Variants in SHISAL1 observed in about 807,000 individuals in gnomAD.
SHISAL1 encodes the protein protein shisa-like-1.
Under a neutral mutation model 22.6 loss-of-function variants are expected in SHISAL1, and 9 were observed. The observed-to-expected ratio is 0.40, with a 90% confidence interval of 0.24 to 0.70. The LOEUF (loss-of-function observed/expected upper bound fraction) is 0.70. SHISAL1 is among the 30% of genes least tolerant of loss of function. The pLI is 0.39. For synonymous variants in SHISAL1, 119 were observed against 115.4 expected (o/e 1.03, Z -0.20); for missense variants, 246 against 270.6 (o/e 0.91, Z 0.64).
chr22:44,301,567 C>T (rs185214920), intron 1 of SHISAL1, among the ~76,000 whole-genome samples: 94 of 152,276 alleles, frequency 6.2e-4, no homozygotes, highest in African/African-American at 2.1e-3. Context: ...TATCCCAAGG[C>T]GCAGAAAACA....
chr22:44,304,837 A>G (rs2055459080), intron 1 of SHISAL1, among the ~76,000 whole-genome samples: 1 of 152,132 alleles, frequency 6.6e-6, no homozygotes. Flanking sequence ...ACAGGTCCCC[A>G]GACTCCAGCT....
chr22:44,281,090 T>A (rs2147287262), intron 4 of SHISAL1, among the ~76,000 whole-genome samples: 1 of 152,200 alleles, frequency 6.6e-6, no homozygotes, highest in South Asian at 2.1e-4. Context: ...TCCTTTAGCC[T>A]GAGGTGGGCC....
intron 4 of SHISAL1, among the ~76,000 whole-genome samples, chr22:44,258,081 G>A (rs773615009): frequency 6.6e-5 from 10 of 152,024 alleles, no homozygotes; most frequent in East Asian, 1.9e-4. Context: ...CGGAGGTTGC[G>A]GTGAGCTGAG....
chr22:44,285,546 G>A lies in SHISAL1; in HGVS notation c.481C>T (p.Arg161Trp), dbSNP rs376878869. 3.9e-5 allele frequency: 60 copies of A among 1,538,250 alleles called. No homozygotes were observed. Among genetic ancestry groups the A allele is most frequent in the Admixed American group, 6.8e-5 (4 of 58,752 alleles). Residue 161 changes from arginine (R) to tryptophan (W), a missense_variant, in exon 4 of 5, where the codon CGG becomes TGG. Arg to Trp is a moderately radical substitution (Grantham distance 101, BLOSUM62 -3). This residue lies in a region of SHISAL1 where 136 missense variants were observed against 117.5 expected (regional missense o/e 1.16). Transcript: ENST00000381176. ...NPARAPRPGQ[R>W]APQPQPPPGP... The stretch of plus-strand genomic sequence containing the variant: ...GGGGGAGGCTGCGGCTGTGGGGCCC[G>A]CTGACCCGGCCGAGGGGCCCGAGCG...
rs112234531 is a variant in SHISAL1 at position 44,277,107 on chromosome 22, C to T, written c.599+8321G>A. On this transcript the variant is annotated intron_variant, in intron 4 of 4. Transcript: ENST00000381176. ...CCTTTCTTTGTGTTAGCTGCTCCTC[C>T]CCTGGCTGACCAGTGCTTAGTCTGG... Among the ~76,000 whole-genome samples, 22 of 152,322 alleles carry T rather than the reference C, an allele frequency of 1.4e-4. 1 individual carries two copies. Among genetic ancestry groups the T allele is most frequent in the African/African-American group, 4.3e-4 (18 of 41,574 alleles).
intron 4 of SHISAL1, among the ~76,000 whole-genome samples, chr22:44,282,721 AG>A (rs1426730272): frequency 6.6e-6 from 1 of 152,174 alleles, no homozygotes; most frequent in Non-Finnish European, 1.5e-5. Context: ...ACTCAGCAGG[AG>A]GCTCCTGAGA....
At chr22:44,277,100 G>C (rs1391208007) in intron 4 of SHISAL1, among the ~76,000 whole-genome samples, 2 of 152,192 alleles carry the variant, frequency 1.3e-5, no homozygotes. Flanking sequence ...TGTGTTAGCT[G>C]CTCCTCCCCT....
intron 3 of SHISAL1, among the ~76,000 whole-genome samples, chr22:44,288,038 G>A (rs2055328334): frequency 6.6e-6 from 1 of 152,096 alleles, no homozygotes; most frequent in African/African-American, 2.4e-5. Context: ...GCTGGGCCTC[G>A]AACCACTGGG....
intron 4 of SHISAL1, among the ~76,000 whole-genome samples, chr22:44,256,114 C>T (rs1191655930): frequency 2.0e-5 from 3 of 152,088 alleles, no homozygotes; most frequent in African/African-American, 7.3e-5. Flanking sequence ...GACGAATTCA[C>T]ACCATTGGCT....
intron 2 of SHISAL1, 26 bp from the exon 3 acceptor site, chr22:44,296,911 G>A (rs370684097): frequency 1.3e-5 from 20 of 1,589,624 alleles, no homozygotes; most frequent in Non-Finnish European, 1.7e-5. Context: ...ACCAGGCTCA[G>A]AGGGGTCCCT....
At chr22:44,261,583 C>G (rs2055124646) in intron 4 of SHISAL1, among the ~76,000 whole-genome samples, 1 of 152,252 alleles carries the variant, frequency 6.6e-6, no homozygotes, top group African/African-American at 2.4e-5. Context: ...CTAGGCCATC[C>G]TCACTGCTGC....
intron 3 of SHISAL1, among the ~76,000 whole-genome samples, chr22:44,294,451 C>T (rs1392661297): frequency 6.6e-6 from 1 of 152,084 alleles, no homozygotes; most frequent in East Asian, 1.9e-4. Flanking sequence ...CAACAAACGC[C>T]CTGTTCAAAA....
intron 4 of SHISAL1, among the ~76,000 whole-genome samples, chr22:44,267,681 G>T (rs78532473): frequency 1.3e-5 from 2 of 152,110 alleles, no homozygotes; most frequent in Admixed American, 6.5e-5. Flanking sequence ...CCCCTCCTGC[G>T]CTTCCTTCCT....
chr22:44,305,460 T>C (rs987022868), intron 1 of SHISAL1, among the ~76,000 whole-genome samples: 2 of 152,220 alleles, frequency 1.3e-5, no homozygotes, highest in Non-Finnish European at 2.9e-5. Flanking sequence ...GGAGAGGCCT[T>C]TATGCCTCTG....
At chr22:44,254,457 C>G (rs1228461952) in intron 4 of SHISAL1, among the ~76,000 whole-genome samples, 2 of 152,004 alleles carry the variant, frequency 1.3e-5, no homozygotes, top group African/African-American at 2.4e-5. Context: ...AACTCCTGGG[C>G]TAAAGTGATT....
chr22:44,312,289 C>G (rs1223781018), intron 1 of SHISAL1, among the ~76,000 whole-genome samples: 1 of 152,182 alleles, frequency 6.6e-6, no homozygotes. Context: ...GTGGGTCGAA[C>G]AGACCCACCT....
Position 44,301,051 on chromosome 22 carries a change from G to A in SHISAL1, c.-32-74C>T, listed in dbSNP as rs139930368. On this transcript the variant is annotated intron_variant, in intron 1 of 4. Transcript: ENST00000381176. ...CACTGGCTTTCCTGCCCACAGCGGG[G>A]GACGGGCAGGCGGGCAGCGGGCAGG... The A allele has an allele frequency of 3.8e-6, 4 of 1,045,930 alleles. No individual in the cohort carries two copies. In the East Asian group the frequency reaches 1.0e-4, roughly 27 times the overall value. The allele number at this position is 1,045,930 out of a possible 1,614,324, so 64.8% of individuals were successfully genotyped here.
chr22:44,268,577 G>T (rs1419323414), intron 4 of SHISAL1, among the ~76,000 whole-genome samples: 1 of 152,240 alleles, frequency 6.6e-6, no homozygotes, highest in East Asian at 1.9e-4. Context: ...GTTCTGCTCT[G>T]CACCAGCACC....
intron 4 of SHISAL1, among the ~76,000 whole-genome samples, chr22:44,252,612 G>A (rs1280723737): frequency 1.4e-5 from 2 of 143,024 alleles, no homozygotes; most frequent in African/African-American, 5.3e-5. Context: ...ATGTTAATGA[G>A]CCATACACAC....
Sources: allele counts gnomAD v4.1 joint callset (sites outside exome capture counted in the v4.1 genomes callset), GRCh38; gene constraint gnomAD v4.1.1; regional missense constraint gnomAD v4.1.1; transcripts MANE v1.5; gene names NCBI Gene and HGNC (gene_info 2026-07-23, HGNC 2026-07-21).